ACACB: variants seen among roughly 807,000 people sequenced by gnomAD.
ACACB encodes acetyl-CoA carboxylase 2.
A neutral mutation model predicts 278.8 loss-of-function variants in ACACB; 209 were observed. The observed-to-expected ratio is 0.75, with a 90% confidence interval of 0.67 to 0.84. The LOEUF is 0.84. Ranked by LOEUF, ACACB falls within the 40% of genes least tolerant of loss-of-function variation. ACACB has a pLI of 0.00. For missense variants in ACACB, 2,850 were observed against 3,269.0 expected (o/e 0.87, Z 3.13); for synonymous variants, 1,174 against 1,285.6 (o/e 0.91, Z 1.86).
intron 20 of ACACB, among the ~76,000 whole-genome samples, chr12:109,207,856 T>C (rs761356017): frequency 6.6e-6 from 1 of 151,998 alleles, no homozygotes; most frequent in Non-Finnish European, 1.5e-5. Flanking sequence ...TTTTTGTATT[T>C]TTTAGTAGAG....
At chr12:109,191,095 C>T (rs1475355845) in intron 13 of ACACB, among the ~76,000 whole-genome samples, 1 of 152,198 alleles carries the variant, frequency 6.6e-6, no homozygotes, top group Non-Finnish European at 1.5e-5. Flanking sequence ...TCCCCATTTT[C>T]CATATGAGGA....
At chr12:109,153,655 A>T (rs1292678778) in intron 2 of ACACB, among the ~76,000 whole-genome samples, 2 of 152,028 alleles carry the variant, frequency 1.3e-5, no homozygotes, top group East Asian at 3.9e-4. Context: ...TTGAAGAAGC[A>T]TTCATTCATT....
At chr12:109,177,657 CGTT>C (rs1565891082) in intron 9 of ACACB, among the ~76,000 whole-genome samples, 1 of 152,130 alleles carries the variant, frequency 6.6e-6, no homozygotes, top group Admixed American at 6.6e-5. Flanking sequence ...CGGTTTCACT[CGTT>C]AACATTTTTC....
intron 1 of ACACB, among the ~76,000 whole-genome samples, chr12:109,117,412 G>A (rs779292843): frequency 1.1e-4 from 16 of 151,594 alleles, no homozygotes; most frequent in South Asian, 2.1e-4. Flanking sequence ...AGAGTAAAGC[G>A]TTTGTAGTGG....
In ACACB at chr12:109,233,929, C is replaced by G; in HGVS notation, c.4240-9C>G. 2 of 1,613,750 alleles carry G rather than the reference C, an allele frequency of 1.2e-6. No homozygotes were observed. Among genetic ancestry groups the G allele is most frequent in the South Asian group, 1.1e-5 (1 of 91,058 alleles). On this transcript the variant is annotated splice_polypyrimidine_tract_variant and intron_variant, in intron 30 of 52. Transcript: ENST00000338432. ...CTTTCCAGCCCTACCCCTTGCTTCT[C>G]CCTCTCAGAGCCTCAGAGAAGAGCC...
At chr12:109,112,688 C>CAAAAAA (rs57131257), upstream of ACACB, among the ~76,000 whole-genome samples, 2 of 103,366 alleles carry the variant, frequency 1.9e-5, no homozygotes, top group African/African-American at 3.2e-5. Flanking sequence ...AACTCCGTCT[C>CAAAAAA]AAAAAAAAAA....
intron 1 of ACACB, among the ~76,000 whole-genome samples, chr12:109,136,825 C>T (rs1027898426): frequency 1.3e-5 from 2 of 152,132 alleles, no homozygotes; most frequent in African/African-American, 2.4e-5. Context: ...CCTTCCTAAT[C>T]TCTATGTCTT....
Position 109,239,999 on chromosome 12 carries a change from AG to A in ACACB, c.4818+20del, listed in dbSNP as rs1453025425. 1.9e-6 allele frequency: 3 copies of A among 1,611,176 alleles called. No homozygotes were observed. The highest frequency in any genetic ancestry group is 2.2e-5 in the East Asian group (1 of 44,682). On this transcript the variant is annotated intron_variant, in intron 35 of 52. Transcript: ENST00000338432. ...GACCCCTTCAAGGTCTCGCCTTTGC[AG>A]GGGGGCTCTCACCGGGCTCTGGGTT...
At chr12:109,167,789 C>T (rs1049951677) in intron 3 of ACACB, 107 bp from the exon 4 acceptor site, 91 of 1,519,806 alleles carry the variant, frequency 6.0e-5, no homozygotes, top group South Asian at 4.6e-4. Context: ...TGATGTGCTG[C>T]GGGGGCTGCA....
chr12:109,151,457 C>A (rs2043373855), intron 2 of ACACB, among the ~76,000 whole-genome samples: 1 of 151,814 alleles, frequency 6.6e-6, no homozygotes, highest in Non-Finnish European at 1.5e-5. Context: ...CTTAATGTAA[C>A]ACAGTCCCCC....
intron 18 of ACACB, among the ~76,000 whole-genome samples, chr12:109,201,171 C>T (rs77015645): frequency 6.6e-6 from 1 of 152,144 alleles, no homozygotes; most frequent in African/African-American, 2.4e-5. Flanking sequence ...TTTCTAAGTG[C>T]CTTTAATAAA....
At chr12:109,210,427 ATATACACGCACATACATG>A (rs1194788123) in intron 21 of ACACB, among the ~76,000 whole-genome samples, 7,171 of 139,646 alleles carry the variant, frequency 0.051, 586 homozygotes, top group African/African-American at 0.14. Context: ...GTATATATGT[ATATACACGCACATACATG>A]TGTATATATG....
Position 109,201,715 on chromosome 12 carries a change from C to G in ACACB, c.2913+14C>G. 1 of 1,612,956 alleles carries G rather than the reference C, an allele frequency of 6.2e-7. No homozygotes were observed. Among genetic ancestry groups the G allele is most frequent in the South Asian group, 1.1e-5 (1 of 90,922 alleles). The stretch of plus-strand genomic sequence containing the variant: ...AAAGTCCACCCGGTATGTGGCTCCA[C>G]GGCCCAAGTGCTCTGGCTGGTGCAG... On this transcript the variant is annotated intron_variant, in intron 19 of 52. Coordinates refer to ENST00000338432, the MANE Select transcript of ACACB (RefSeq NM_001093.4).
intron 40 of ACACB, chr12:109,249,166 G>C (rs933785808): frequency 4.6e-5 from 7 of 152,208 alleles, no homozygotes; most frequent in African/African-American, 1.4e-4. Context: ...GATTTGGAGG[G>C]CTTCAGTATT....
Position 109,200,620 on chromosome 12 carries a change from C to G in ACACB, c.2779-947C>G, listed in dbSNP as rs371842588. Among the ~76,000 whole-genome samples, 68 of 152,234 alleles carry G rather than the reference C, an allele frequency of 4.5e-4. No individual in the cohort carries two copies. The Middle Eastern group carries it at 0.014, about 30-fold the overall frequency. The stretch of plus-strand genomic sequence containing the variant: ...GGCAGGTGCTGTTCTAAGCATTTTA[C>G]TGATCTTTATTTTTTAACCTTCCCA... On this transcript the variant is annotated intron_variant, in intron 18 of 52. Transcript: ENST00000338432.
intron 27 of ACACB, among the ~76,000 whole-genome samples, chr12:109,225,574 A>G (rs1325366990): frequency 6.6e-6 from 1 of 152,214 alleles, no homozygotes; most frequent in Non-Finnish European, 1.5e-5. Context: ...CCCAAATTCA[A>G]GTTCCCCAGT....
At chr12:109,188,818 A>C (rs769539051) in intron 13 of ACACB, among the ~76,000 whole-genome samples, 4 of 152,168 alleles carry the variant, frequency 2.6e-5, no homozygotes, top group Non-Finnish European at 5.9e-5. Flanking sequence ...TCTAGGAGAT[A>C]CCCAAAGTGT....
At chr12:109,143,388 A>G (rs2043165532) in intron 2 of ACACB, among the ~76,000 whole-genome samples, 1 of 148,952 alleles carries the variant, frequency 6.7e-6, no homozygotes, top group African/African-American at 2.5e-5. Flanking sequence ...ACTTAAGCCC[A>G]GGAGGCAGAG....
chr12:109,213,419 C>T (rs11613533), intron 22 of ACACB, among the ~76,000 whole-genome samples: 17,982 of 152,148 alleles, frequency 0.12, 1,474 homozygotes, highest in Non-Finnish European at 0.17. Context: ...TTGATAGATA[C>T]ATTAGATTGA....
Sources: gnomAD v4.1 joint callset for allele counts (sites outside exome capture counted in the v4.1 genomes callset) on GRCh38, gnomAD v4.1.1 for gene constraint, MANE v1.5 for transcripts, NCBI Gene and HGNC (gene_info 2026-07-23, HGNC 2026-07-21) for gene names.